LRRC49: variants seen among roughly 807,000 people sequenced by gnomAD.
LRRC49 encodes leucine rich repeat containing 49.
LRRC49 carries 50 observed loss-of-function variants against 83.3 expected under a neutral mutation model. The ratio of observed to expected loss-of-function variants is 0.60; its 90% CI spans 0.48 to 0.76. LRRC49 has a LOEUF of 0.76. LRRC49 is among the 30% of genes least tolerant of loss of function. The probability of loss-of-function intolerance (pLI) is 0.00; values close to 1 mark genes in which losing one functional copy is unlikely to be tolerated. For missense variants in LRRC49, 704 were observed against 809.1 expected, an observed-to-expected ratio of 0.87 and a Z score of 1.58; for synonymous variants, 286 against 283.3, an observed-to-expected ratio of 1.01 and a Z score of -0.10.
chr15:70,951,781 G>C (rs1287384001), intron 8 of LRRC49, among the ~76,000 whole-genome samples: 2 of 152,058 alleles, frequency 1.3e-5, no homozygotes, highest in Non-Finnish European at 2.9e-5. Context: ...GCTCTGGTTA[G>C]GACTTCTAGT....
chr15:70,963,764 T>G, intron 8 of LRRC49, 21 bp from the exon 9 acceptor site: 1 of 1,608,880 alleles, frequency 6.2e-7, no homozygotes, highest in Non-Finnish European at 8.5e-7. Flanking sequence ...AATAATCCAG[T>G]GGTTTCTGTC....
intron 2 of LRRC49, among the ~76,000 whole-genome samples, chr15:70,879,227 T>G (rs1469333347): frequency 6.6e-6 from 1 of 152,242 alleles, no homozygotes; most frequent in Non-Finnish European, 1.5e-5. Flanking sequence ...TCCATCTCTC[T>G]GTTGAGATTC....
intron 11 of LRRC49, among the ~76,000 whole-genome samples, chr15:70,985,079 G>T (rs1369090908): frequency 3.1e-5 from 4 of 128,768 alleles, no homozygotes; most frequent in Non-Finnish European, 6.7e-5. Context: ...GAATAGTGCC[G>T]CAATAAACAT....
At chr15:70,886,813 C>G (rs932162011) in intron 2 of LRRC49, among the ~76,000 whole-genome samples, 1 of 151,992 alleles carries the variant, frequency 6.6e-6, no homozygotes, top group Admixed American at 6.5e-5. Flanking sequence ...TTGTAGTGAG[C>G]TGAGATTGCG....
chr15:71,013,320 G>A (rs1327241375), intron 14 of LRRC49, among the ~76,000 whole-genome samples: 1 of 152,148 alleles, frequency 6.6e-6, no homozygotes, highest in Non-Finnish European at 1.5e-5. Flanking sequence ...AAATAGCTCA[G>A]TATAATTGGA....
intron 15 of LRRC49, among the ~76,000 whole-genome samples, chr15:71,037,634 C>T (rs1169669627): frequency 6.6e-6 from 1 of 152,036 alleles, no homozygotes; most frequent in African/African-American, 2.4e-5. Flanking sequence ...CCAAGGGTCC[C>T]GATCTATGTA....
chr15:70,953,990 G>T (rs1232909113), intron 8 of LRRC49, among the ~76,000 whole-genome samples: 1 of 151,984 alleles, frequency 6.6e-6, no homozygotes, highest in African/African-American at 2.4e-5. Context: ...CACCTCCTGG[G>T]TTCAAGCGAT....
chr15:71,001,763 C>T (rs1325581047), intron 11 of LRRC49, among the ~76,000 whole-genome samples: 53 of 152,196 alleles, frequency 3.5e-4, no homozygotes, highest in Non-Finnish European at 7.4e-5. Flanking sequence ...ACAATCTCGG[C>T]TCACTGCAAC....
intron 9 of LRRC49, among the ~76,000 whole-genome samples, chr15:70,964,472 G>A (rs750369413): frequency 1.3e-5 from 2 of 152,122 alleles, no homozygotes; most frequent in African/African-American, 4.8e-5. Flanking sequence ...CTCCTAGGAG[G>A]CATTTGTATG....
chr15:70,855,445 A>C (rs2032632960), intron 1 of LRRC49, among the ~76,000 whole-genome samples: 1 of 152,232 alleles, frequency 6.6e-6, no homozygotes, highest in Non-Finnish European at 1.5e-5. Flanking sequence ...CTTAAACATA[A>C]TTTATCATAT....
At chr15:71,004,873 A>G (rs186935082) in intron 11 of LRRC49, among the ~76,000 whole-genome samples, 138 of 152,196 alleles carry the variant, frequency 9.1e-4, no homozygotes, top group South Asian at 3.7e-3. Context: ...CTGAAGGGAA[A>G]GACACACCAG....
Position 70,864,344 on chromosome 15 carries a change from T to G in LRRC49, c.-298-8564T>G, listed in dbSNP as rs547767528. On this transcript the variant is annotated intron_variant, in intron 1 of 16. Coordinates refer to the LRRC49 transcript ENST00000544974. ...AATTTGTAGCCCAGACTGCACATTCTAAAGACACCGAGAGGCCCTGAGGCA... is the reference window on the plus strand; with the variant it reads ...AATTTGTAGCCCAGACTGCACATTCGAAAGACACCGAGAGGCCCTGAGGCA... 4.6e-5 allele frequency among the ~76,000 whole-genome samples: 7 copies of G among 152,050 alleles called. No individual in the cohort carries two copies. In the East Asian group the frequency reaches 1.4e-3, roughly 29 times the overall value.
chr15:70,921,803 T>TCACC (rs2035015958), intron 7 of LRRC49, among the ~76,000 whole-genome samples: 1 of 152,194 alleles, frequency 6.6e-6, no homozygotes, highest in Non-Finnish European at 1.5e-5. Flanking sequence ...TTTTATTGCT[T>TCACC]CACCCATTGA....
At chr15:70,889,512 T>C (rs938394100), upstream of LRRC49, among the ~76,000 whole-genome samples, 1 of 152,218 alleles carries the variant, frequency 6.6e-6, no homozygotes, top group Non-Finnish European at 1.5e-5. Flanking sequence ...ATTTAATGAC[T>C]TGTCCACTTA....
intron 11 of LRRC49, among the ~76,000 whole-genome samples, chr15:71,007,389 A>G (rs2038493039): frequency 6.6e-6 from 1 of 151,966 alleles, no homozygotes; most frequent in Non-Finnish European, 1.5e-5. Context: ...TAATATAGTT[A>G]TGAGAAGTGT....
intron 2 of LRRC49, chr15:70,882,999 G>T: frequency 7.3e-7 from 1 of 1,372,398 alleles, no homozygotes; most frequent in Non-Finnish European, 9.9e-7. Context: ...CAGTATAGCT[G>T]AAAATTTTCA....
chr15:71,048,748 C>A (rs1229995762), intron 15 of LRRC49: 1 of 453,778 alleles, frequency 2.2e-6, no homozygotes, highest in Admixed American at 2.4e-5. Context: ...TCCAAAATTC[C>A]TCTGTTGTGT....
At chr15:70,956,606 G>A (rs538369491) in intron 8 of LRRC49, among the ~76,000 whole-genome samples, 134 of 150,766 alleles carry the variant, frequency 8.9e-4, no homozygotes, top group African/African-American at 3.2e-3. Context: ...TTTTTAAACA[G>A]TCTGCTTTTG....
intron 15 of LRRC49, 76 bp from the exon 16 acceptor site, chr15:71,049,333 T>C (rs1334408391): frequency 3.3e-6 from 3 of 918,098 alleles, no homozygotes; most frequent in Non-Finnish European, 5.0e-6. Flanking sequence ...TTCAATTTTC[T>C]GTGGTTCAGC....
Sources: allele counts gnomAD v4.1 joint callset (sites outside exome capture counted in the v4.1 genomes callset), GRCh38; gene constraint gnomAD v4.1.1; transcripts MANE v1.5; gene names NCBI Gene and HGNC (gene_info 2026-07-23, HGNC 2026-07-21).